TEC: variants seen among roughly 807,000 people sequenced by gnomAD.
TEC encodes tec protein tyrosine kinase.
Under a neutral mutation model 93.0 loss-of-function variants are expected in TEC, and 72 were observed. The observed-to-expected ratio is 0.77, with a 90% CI of 0.64 to 0.94. TEC has a LOEUF of 0.94. Ranked by LOEUF, TEC falls within the 40% of genes least tolerant of loss-of-function variation. The probability of loss-of-function intolerance (pLI) is 0.00; values close to 1 mark genes in which losing one functional copy is unlikely to be tolerated. For synonymous variants in TEC, 249 were observed against 247.7 expected, an observed-to-expected ratio of 1.01 and a Z score of -0.05; for missense variants, 630 against 757.9, an observed-to-expected ratio of 0.83 and a Z score of 1.98.
At chr4:48,179,376 A>ATATATT (rs1560393438) in intron 2 of TEC, among the ~76,000 whole-genome samples, 18 of 21,158 alleles carry the variant, frequency 8.5e-4, no homozygotes, top group Admixed American at 2.4e-3. Flanking sequence ...ATATATATAT[A>ATATATT]TTTTTTTTTT....
intron 2 of TEC, among the ~76,000 whole-genome samples, chr4:48,202,854 T>G (rs1244428899): frequency 2.0e-5 from 3 of 152,222 alleles, no homozygotes; most frequent in Non-Finnish European, 2.9e-5. Context: ...AACTAGTGCT[T>G]CTGGTTTCAG....
In TEC at chr4:48,229,033, T is replaced by A. The variant is rs184343741; in HGVS notation, c.-45-374A>T. Among the ~76,000 whole-genome samples, 7 of 152,306 alleles carry A rather than the reference T, an allele frequency of 4.6e-5. No individual in the cohort carries two copies. In the East Asian group the frequency reaches 1.2e-3, roughly 25 times the overall value. ...CTGTGTGGCTGATTTACACTGGCAT[T>A]TGAATTGCTTCAGGATCTTGGTTCA... On this transcript the variant is annotated intron_variant, in intron 1 of 17. Coordinates refer to ENST00000381501, the MANE Select transcript of TEC (RefSeq NM_003215.3).
rs1378048391 is a variant in TEC, at chr4:48,179,359, TATATATATATATATA to T, written c.139-3188_139-3174del. The stretch of plus-strand genomic sequence containing the variant: ...GGTAGTATATATATATATATATATA[TATATATATATATATA>T]TATTTTTTTTTTTTTTTTTTTTTTT... On this transcript the variant is annotated intron_variant, in intron 2 of 17. Coordinates refer to ENST00000381501, the MANE Select transcript of TEC (RefSeq NM_003215.3). Among the ~76,000 whole-genome samples, 176 of 42,312 alleles carry T rather than the reference TATATATATATATATA, an allele frequency of 4.2e-3. 4 individuals are homozygous for T. Among genetic ancestry groups the T allele is most frequent in the Non-Finnish European group, 7.1e-3 (142 of 20,114 alleles). 27.8% of individuals were successfully genotyped at this position (42,312 alleles called of 152,430 possible).
chr4:48,159,961 C>T lies in TEC; in HGVS notation c.738-3227G>A, dbSNP rs77587937. ...TCTACCTCCATAATCCAAACATCTTCCCCCAGGCCCCTGCTCCAAAATTGG... is the reference window on the plus strand; with the variant it reads ...TCTACCTCCATAATCCAAACATCTTTCCCCAGGCCCCTGCTCCAAAATTGG... On this transcript the variant is annotated intron_variant, in intron 8 of 17. Coordinates refer to ENST00000381501, the MANE Select transcript of TEC (RefSeq NM_003215.3). Among the ~76,000 whole-genome samples, 433 of 152,294 alleles carry T rather than the reference C, an allele frequency of 2.8e-3. 4 individuals carry two copies. Among genetic ancestry groups the T allele is most frequent in the African/African-American group, 0.01 (418 of 41,560 alleles).
Position 48,167,797 on chromosome 4 carries a change from T to C in TEC, c.652A>G (p.Arg218Gly), listed in dbSNP as rs1023856881. 1.2e-6 allele frequency: 2 copies of C among 1,613,646 alleles called. No individual in the cohort carries two copies. Among genetic ancestry groups the C allele is most frequent in the African/African-American group, 2.7e-5 (2 of 74,880 alleles). The change falls in exon 7 of 18, where the codon AGA becomes GGA. Residue 218 changes from arginine (R) to glycine (G), a missense_variant. Transcript: ENST00000381501. Reference sequence around the variant, plus strand: ...ACTTACCCATATTTATCTCTTGCTCTCCACCAATGAACATCATTCTTTTCT... The same window carrying C: ...ACTTACCCATATTTATCTCTTGCTCCCCACCAATGAACATCATTCTTTTCT... ...ILEKNDVHWW[R>G]ARDKYGNEGY...
At chr4:48,249,102 C>T (rs759612380) in intron 1 of TEC, among the ~76,000 whole-genome samples, 1 of 152,118 alleles carries the variant, frequency 6.6e-6, no homozygotes, top group African/African-American at 2.4e-5. Context: ...TGTCACTAAA[C>T]TCCAAAGAGA....
intron 2 of TEC, among the ~76,000 whole-genome samples, chr4:48,215,131 C>T (rs1255288425): frequency 6.6e-6 from 1 of 152,054 alleles, no homozygotes; most frequent in African/African-American, 2.4e-5. Flanking sequence ...CCAGCCTGGG[C>T]TACGAAGCAA....
At chr4:48,225,600 T>C (rs1290631269) in intron 2 of TEC, among the ~76,000 whole-genome samples, 1 of 152,200 alleles carries the variant, frequency 6.6e-6, no homozygotes, top group Non-Finnish European at 1.5e-5. Context: ...CAACAAGGTG[T>C]TGCTGGCCAT....
At chr4:48,251,449 C>T (rs1724198727) in intron 1 of TEC, among the ~76,000 whole-genome samples, 1 of 152,196 alleles carries the variant, frequency 6.6e-6, no homozygotes, top group South Asian at 2.1e-4. Context: ...CAGTTATTCT[C>T]ACTATGTTAT....
chr4:48,227,199 C>T (rs1723495159), intron 2 of TEC, among the ~76,000 whole-genome samples: 1 of 152,044 alleles, frequency 6.6e-6, no homozygotes, highest in African/African-American at 2.4e-5. Context: ...TGACGAGCCA[C>T]AGCAGAAATT....
chr4:48,144,749 C>G (rs1037015425), intron 14 of TEC, among the ~76,000 whole-genome samples: 1 of 152,124 alleles, frequency 6.6e-6, no homozygotes, highest in Non-Finnish European at 1.5e-5. Context: ...AGTAGGCGAG[C>G]CTTTTGACTT....
chr4:48,201,235 G>C (rs1172185461), intron 2 of TEC, among the ~76,000 whole-genome samples: 2 of 152,118 alleles, frequency 1.3e-5, no homozygotes, highest in Non-Finnish European at 2.9e-5. Flanking sequence ...GTAGACCATG[G>C]TACCAATTAC....
At chr4:48,248,552 T>A (rs780799515) in intron 1 of TEC, among the ~76,000 whole-genome samples, 14 of 152,336 alleles carry the variant, frequency 9.2e-5, no homozygotes, top group South Asian at 8.3e-4. Context: ...GGGAGGGGAA[T>A]GATGCAGGCC....
intron 1 of TEC, among the ~76,000 whole-genome samples, chr4:48,240,764 A>C (rs549335797): frequency 2.0e-5 from 3 of 152,130 alleles, no homozygotes; most frequent in African/African-American, 7.2e-5. Flanking sequence ...CAAATGGCAG[A>C]CTTTTTATAA....
intron 2 of TEC, among the ~76,000 whole-genome samples, chr4:48,212,349 G>A (rs1169582566): frequency 6.6e-6 from 1 of 152,018 alleles, no homozygotes; most frequent in Non-Finnish European, 1.5e-5. Flanking sequence ...TATGAATAGA[G>A]GTGGTCAGTG....
At chr4:48,193,677 C>A (rs149736609) in intron 2 of TEC, among the ~76,000 whole-genome samples, 1 of 151,874 alleles carries the variant, frequency 6.6e-6, no homozygotes, top group East Asian at 1.9e-4. Context: ...GGTTTCAGTT[C>A]TTAGGTTTCT....
chr4:48,240,624 C>G (rs761890403), intron 1 of TEC, among the ~76,000 whole-genome samples: 1 of 152,098 alleles, frequency 6.6e-6, no homozygotes, highest in African/African-American at 2.4e-5. Context: ...CCCTCTATGT[C>G]CTTTCCATTT....
intron 1 of TEC, among the ~76,000 whole-genome samples, chr4:48,261,902 T>A (rs559558961): frequency 6.6e-5 from 10 of 152,262 alleles, no homozygotes; most frequent in Middle Eastern, 3.4e-3. Flanking sequence ...AATGAATACT[T>A]ACTTCCCTCC....
chr4:48,247,842 A>T (rs1724100607), intron 1 of TEC, among the ~76,000 whole-genome samples: 1 of 152,260 alleles, frequency 6.6e-6, no homozygotes, highest in Non-Finnish European at 1.5e-5. Flanking sequence ...AAACGATTTA[A>T]ATGGCAAATT....
Sources: gnomAD v4.1 joint callset for allele counts (sites outside exome capture counted in the v4.1 genomes callset) on GRCh38, gnomAD v4.1.1 for gene constraint, MANE v1.5 for transcripts, NCBI Gene and HGNC (gene_info 2026-07-23, HGNC 2026-07-21) for gene names.